Variants in CDK14 observed in about 807,000 individuals in gnomAD.
CDK14 encodes cyclin dependent kinase 14.
In CDK14, 34 loss-of-function variants were observed where a neutral mutation model predicts 60.7. The ratio of observed to expected loss-of-function variants is 0.56; its 90% CI spans 0.43 to 0.75. The LOEUF is 0.75. Ranked by LOEUF, CDK14 falls within the 30% of genes least tolerant of loss-of-function variation. CDK14 has a pLI of 0.00. For synonymous variants in CDK14, 197 were observed against 203.7 expected (o/e 0.97, Z 0.28); for missense variants, 482 against 564.1 (o/e 0.85, Z 1.47).
intron 2 of CDK14, among the ~76,000 whole-genome samples, chr7:90,631,105 A>G (rs1204713149): frequency 6.6e-6 from 1 of 152,178 alleles, no homozygotes; most frequent in Non-Finnish European, 1.5e-5. Context: ...TGGAAGCAGC[A>G]TGGAATCAAG....
intron 6 of CDK14, among the ~76,000 whole-genome samples, chr7:90,874,824 G>A (rs148205906): frequency 2.6e-5 from 4 of 152,018 alleles, no homozygotes; most frequent in African/African-American, 4.8e-5. Context: ...CACCGCGCCC[G>A]GCCTCATCCT....
At chr7:90,629,711 C>G (rs1362543507) in intron 2 of CDK14, among the ~76,000 whole-genome samples, 2 of 152,078 alleles carry the variant, frequency 1.3e-5, no homozygotes, top group African/African-American at 4.8e-5. Context: ...GATGAAAAAC[C>G]TATTTGTAAT....
At chr7:90,699,125 G>A (rs1429352850) in intron 2 of CDK14, among the ~76,000 whole-genome samples, 1 of 152,210 alleles carries the variant, frequency 6.6e-6, no homozygotes, top group Non-Finnish European at 1.5e-5. Flanking sequence ...AAAGTCAATA[G>A]AAACAGGAAT....
chr7:90,758,714 A>G (rs920433463), intron 4 of CDK14, among the ~76,000 whole-genome samples: 3 of 152,208 alleles, frequency 2.0e-5, no homozygotes, highest in Non-Finnish European at 4.4e-5. Context: ...AAGTAATTCT[A>G]TATAAATGAA....
chr7:91,013,466 A>G (rs1796216308), intron 10 of CDK14, among the ~76,000 whole-genome samples: 2 of 152,294 alleles, frequency 1.3e-5, no homozygotes, highest in South Asian at 4.1e-4. Flanking sequence ...AAAGAAAGAC[A>G]TTCTAGAAAT....
At chr7:90,897,202 CTT>C (rs1452863852) in intron 6 of CDK14, among the ~76,000 whole-genome samples, 2 of 151,858 alleles carry the variant, frequency 1.3e-5, no homozygotes, top group African/African-American at 4.8e-5. Context: ...TATCTGATTC[CTT>C]TTTATTGATA....
At chr7:91,166,651 G>A (rs1161489560) in intron 14 of CDK14, among the ~76,000 whole-genome samples, 1 of 152,070 alleles carries the variant, frequency 6.6e-6, no homozygotes, top group East Asian at 1.9e-4. Flanking sequence ...GAGTAATTTG[G>A]CATTTTCGCT....
rs998635028 is a variant in CDK14 at position 90,710,626 on chromosome 7, T to G, written c.124-15941T>G. On this transcript the variant is annotated intron_variant, in intron 2 of 14. Transcript: ENST00000380050. ...GTTATGCTTTTATGTACAGAAGTGA[T>G]AATTCTTCGTGCAGTTCTGCGTGAA... The G allele has an allele frequency of 5.9e-6, 5 of 845,500 alleles. No homozygotes were observed. In the African/African-American group the frequency reaches 7.4e-5, roughly 12 times the overall value. 52.4% of individuals were successfully genotyped at this position (845,500 alleles called of 1,614,324 possible).
chr7:90,659,837 T>TTCTCTCTCTCTCTCTCTCTCTC (rs58582287), intron 2 of CDK14, among the ~76,000 whole-genome samples: 15 of 110,486 alleles, frequency 1.4e-4, no homozygotes, highest in South Asian at 7.3e-4. Context: ...CAGGGAATGC[T>TTCTCTCTCTCTCTCTCTCTCTC]TCTCTCTCTC....
At chr7:91,197,815 G>T (rs760583198) in intron 14 of CDK14, among the ~76,000 whole-genome samples, 11 of 152,222 alleles carry the variant, frequency 7.2e-5, no homozygotes, top group Non-Finnish European at 1.3e-4. Flanking sequence ...ATAGCAACAT[G>T]CTATGGTGGG....
intron 2 of CDK14, among the ~76,000 whole-genome samples, chr7:90,686,308 C>A (rs151180890): frequency 4.6e-5 from 7 of 151,870 alleles, no homozygotes; most frequent in African/African-American, 1.7e-4. Flanking sequence ...AATATTTAGC[C>A]TTCTTTTTCC....
chr7:91,190,677 A>T (rs770666793), intron 14 of CDK14, among the ~76,000 whole-genome samples: 13 of 152,056 alleles, frequency 8.5e-5, no homozygotes, highest in Admixed American at 3.9e-4. Context: ...TTTAGTAGAG[A>T]CAGGGTTTCG....
chr7:90,775,414 T>C (rs1804981714), intron 4 of CDK14, among the ~76,000 whole-genome samples: 1 of 149,722 alleles, frequency 6.7e-6, no homozygotes. Flanking sequence ...AGTATATCCA[T>C]TTCTTTTCTG....
chr7:90,874,276 C>A (rs79829267), intron 6 of CDK14, among the ~76,000 whole-genome samples: 3,368 of 152,112 alleles, frequency 0.022, 118 homozygotes, highest in African/African-American at 0.076. Context: ...TTATTCGGTG[C>A]TCATGCTTGA....
At chr7:90,828,141 A>G (rs548385520) in intron 5 of CDK14, among the ~76,000 whole-genome samples, 1 of 152,326 alleles carries the variant, frequency 6.6e-6, no homozygotes, top group South Asian at 2.1e-4. Context: ...GCTTTAAAAT[A>G]ATTATGTCTG....
chr7:90,984,366 A>G (rs1044811675), intron 10 of CDK14, 125 bp downstream of exon 10: 49 of 672,720 alleles, frequency 7.3e-5, no homozygotes, highest in Non-Finnish European at 1.2e-4. Flanking sequence ...TGGTTCTAAC[A>G]TATTTTGGAC....
intron 4 of CDK14, among the ~76,000 whole-genome samples, chr7:90,768,926 G>A (rs1364647115): frequency 3.3e-5 from 5 of 152,074 alleles, no homozygotes; most frequent in Non-Finnish European, 5.9e-5. Flanking sequence ...TTATAGTGTC[G>A]ATTTTTGATA....
intron 13 of CDK14, among the ~76,000 whole-genome samples, chr7:91,115,386 C>T (rs1799576981): frequency 6.6e-6 from 1 of 152,100 alleles, no homozygotes; most frequent in African/African-American, 2.4e-5. Flanking sequence ...GCAATCTCTT[C>T]CTCTTCTCAC....
chr7:91,179,243 C>G (rs1391308971), intron 14 of CDK14, among the ~76,000 whole-genome samples: 4 of 151,176 alleles, frequency 2.6e-5, no homozygotes, highest in Admixed American at 2.6e-4. Flanking sequence ...TCTCAGTAAA[C>G]TATCACAAGA....
Sources: gnomAD v4.1 joint callset for allele counts (sites outside exome capture counted in the v4.1 genomes callset) on GRCh38, gnomAD v4.1.1 for gene constraint, MANE v1.5 for transcripts, NCBI Gene and HGNC (gene_info 2026-07-23, HGNC 2026-07-21) for gene names.